KHDRBS2: variants seen among roughly 807,000 people sequenced by gnomAD.
KHDRBS2 encodes the protein KH RNA binding domain containing, signal transduction associated 2.
Under a neutral mutation model 44.3 loss-of-function variants are expected in KHDRBS2, and 26 were observed. The ratio of observed to expected loss-of-function variants is 0.59; its 90% confidence interval spans 0.43 to 0.81. The LOEUF (loss-of-function observed/expected upper bound fraction) is 0.81. KHDRBS2 is among the 40% of genes least tolerant of loss of function. The pLI is 0.00. For synonymous variants in KHDRBS2, 194 were observed against 151.1 expected, an observed-to-expected ratio of 1.28 and a Z score of -2.08; for missense variants, 476 against 433.1, an observed-to-expected ratio of 1.10 and a Z score of -0.88.
At chr6:61,987,101 A>C (rs1775189067) in intron 3 of KHDRBS2, among the ~76,000 whole-genome samples, 1 of 152,190 alleles carries the variant, frequency 6.6e-6, no homozygotes. Flanking sequence ...CAGAATTAAA[A>C]ATTCCAGCTT....
intron 6 of KHDRBS2, among the ~76,000 whole-genome samples, chr6:61,851,513 T>G (rs1795413186): frequency 6.6e-6 from 1 of 152,008 alleles, no homozygotes; most frequent in African/African-American, 2.4e-5. Flanking sequence ...CCCTACTCCA[T>G]TACGACTGGT....
chr6:61,823,450 T>C (rs1477874107), intron 6 of KHDRBS2, among the ~76,000 whole-genome samples: 5 of 152,094 alleles, frequency 3.3e-5, no homozygotes, highest in African/African-American at 1.2e-4. Context: ...TATAAAAAGA[T>C]TGCAGAGATT....
the KHDRBS2 span, among the ~76,000 whole-genome samples, chr6:61,657,284 C>A: frequency 6.6e-6 from 1 of 152,068 alleles, no homozygotes; most frequent in Non-Finnish European, 1.5e-5. Context: ...AAAAGTAGAA[C>A]AATGAAAATC....
At chr6:62,224,263 T>C (rs1237317103) in intron 1 of KHDRBS2, among the ~76,000 whole-genome samples, 1 of 152,130 alleles carries the variant, frequency 6.6e-6, no homozygotes, top group Non-Finnish European at 1.5e-5. Flanking sequence ...CATCAGATCT[T>C]GTGAGACGTA....
intron 3 of KHDRBS2, among the ~76,000 whole-genome samples, chr6:61,988,944 T>C (rs1349826828): frequency 6.6e-6 from 1 of 152,148 alleles, no homozygotes; most frequent in East Asian, 1.9e-4. Context: ...GGAAAAAAGA[T>C]GAACGCTTGA....
At chr6:61,875,064 C>A (rs1272200815) in intron 6 of KHDRBS2, among the ~76,000 whole-genome samples, 2 of 152,054 alleles carry the variant, frequency 1.3e-5, no homozygotes, top group African/African-American at 4.8e-5. Context: ...CTGGACTAAG[C>A]ATTGCTTTTT....
At chr6:61,914,785 T>A (rs1429310903) in intron 4 of KHDRBS2, among the ~76,000 whole-genome samples, 1 of 152,112 alleles carries the variant, frequency 6.6e-6, no homozygotes, top group Non-Finnish European at 1.5e-5. Flanking sequence ...TCATGAATAA[T>A]CTTGCTTAGG....
At chr6:61,565,162 T>A in the KHDRBS2 span, among the ~76,000 whole-genome samples, 5 of 152,048 alleles carry the variant, frequency 3.3e-5, no homozygotes, top group South Asian at 4.2e-4. Flanking sequence ...TATACAAATA[T>A]AAAATAAAAT....
chr6:62,116,574 T>C (rs948031411), intron 2 of KHDRBS2, among the ~76,000 whole-genome samples: 5 of 152,180 alleles, frequency 3.3e-5, no homozygotes, highest in African/African-American at 1.2e-4. Context: ...AATTAGAATA[T>C]CCATCACACC....
chr6:61,907,876 G>T (rs1387384448), intron 4 of KHDRBS2, among the ~76,000 whole-genome samples: 1 of 152,148 alleles, frequency 6.6e-6, no homozygotes, highest in Non-Finnish European at 1.5e-5. Flanking sequence ...TGTTGCATGT[G>T]TTGCTGATGC....
At chr6:62,191,436 C>T (rs1279603857) in intron 1 of KHDRBS2, among the ~76,000 whole-genome samples, 1 of 152,028 alleles carries the variant, frequency 6.6e-6, no homozygotes, top group African/African-American at 2.4e-5. Flanking sequence ...GCATGACTGC[C>T]CCATCCCAGG....
intron 2 of KHDRBS2, among the ~76,000 whole-genome samples, chr6:62,135,816 C>G (rs1811393657): frequency 6.6e-6 from 1 of 150,980 alleles, no homozygotes; most frequent in African/African-American, 2.4e-5. Context: ...GTAAGCCAGA[C>G]AAAGGAAAAT....
At chr6:61,915,075 G>A (rs1806754030) in intron 4 of KHDRBS2, among the ~76,000 whole-genome samples, 1 of 152,044 alleles carries the variant, frequency 6.6e-6, no homozygotes, top group Non-Finnish European at 1.5e-5. Context: ...GACAGTAGAA[G>A]GGTGTGTAGA....
rs370254793 is a variant in KHDRBS2, at chr6:61,940,907, G to A, written c.483+37159C>T. ...GCCAGGGCTGAGTCGTGAGTATGGGGCATCTCCTCACCTGCTGGCCTAGGA... is the reference window on the plus strand; with the variant it reads ...GCCAGGGCTGAGTCGTGAGTATGGGACATCTCCTCACCTGCTGGCCTAGGA... On this transcript the variant is annotated intron_variant, in intron 4 of 8. Transcript: ENST00000281156. Among the ~76,000 whole-genome samples, 22 of 152,306 alleles carry A rather than the reference G, an allele frequency of 1.4e-4. No individual in the cohort carries two copies. In the East Asian group the frequency reaches 4.2e-3, roughly 29 times the overall value.
chr6:61,737,141 T>C (rs1404634307), intron 6 of KHDRBS2, among the ~76,000 whole-genome samples: 1 of 152,096 alleles, frequency 6.6e-6, no homozygotes, highest in East Asian at 1.9e-4. Flanking sequence ...AGAGCTATTA[T>C]CTCTATTTAT....
intron 6 of KHDRBS2, among the ~76,000 whole-genome samples, chr6:61,767,640 A>G (rs773330125): frequency 6.6e-6 from 1 of 151,706 alleles, no homozygotes; most frequent in Admixed American, 6.6e-5. Context: ...TGTATCTGCT[A>G]TATGCTTTTC....
At chr6:61,549,059 G>A in the KHDRBS2 span, among the ~76,000 whole-genome samples, 1 of 152,218 alleles carries the variant, frequency 6.6e-6, no homozygotes, top group East Asian at 1.9e-4. Context: ...TGAAAGAAAA[G>A]AAATGTAAAC....
the KHDRBS2 span, among the ~76,000 whole-genome samples, chr6:61,643,122 A>T: frequency 6.8e-6 from 1 of 146,112 alleles, no homozygotes. Context: ...ATATACACAC[A>T]CTGTATATTT....
chr6:61,750,771 A>AAC (rs1777562801), intron 6 of KHDRBS2, among the ~76,000 whole-genome samples: 1 of 151,978 alleles, frequency 6.6e-6, no homozygotes, highest in African/African-American at 2.4e-5. Flanking sequence ...AAAAAAAAAA[A>AAC]AAAAAACATC....
Sources: allele counts gnomAD v4.1 joint callset (sites outside exome capture counted in the v4.1 genomes callset), GRCh38; gene constraint gnomAD v4.1.1; transcripts MANE v1.5; gene names NCBI Gene and HGNC (gene_info 2026-07-23, HGNC 2026-07-21).